Variants in WFS1 observed in about 807,000 individuals in gnomAD.
WFS1 encodes wolframin ER transmembrane glycoprotein, also known as wolframin.
Under a neutral mutation model 68.5 loss-of-function variants are expected in WFS1, and 90 were observed. The ratio of observed to expected loss-of-function variants is 1.31; its 90% CI spans 1.11 to 1.56. The LOEUF (loss-of-function observed/expected upper bound fraction) is 1.56, where lower values mean the gene tolerates loss of function less well. Ranked by LOEUF, WFS1 falls within the 40% of genes most tolerant of loss-of-function variation. The pLI is 0.00. For missense variants in WFS1, 1,767 were observed against 1,232.6 expected (o/e 1.43, Z -6.49); for synonymous variants, 860 against 540.7 (o/e 1.59, Z -8.19).
intron 1 of WFS1, among the ~76,000 whole-genome samples, chr4:6,276,313 T>G (rs1729993466): frequency 6.6e-6 from 1 of 152,178 alleles, no homozygotes; most frequent in Non-Finnish European, 1.5e-5. Context: ...GTGGTTGTCC[T>G]TCATTACAGG....
At chr4:6,284,816 T>C (rs1730265315) in intron 2 of WFS1, among the ~76,000 whole-genome samples, 1 of 150,770 alleles carries the variant, frequency 6.6e-6, no homozygotes. Context: ...AGCACCTTAC[T>C]GTGGAGCATG....
intron 2 of WFS1, among the ~76,000 whole-genome samples, chr4:6,284,947 C>T (rs571262809): frequency 2.4e-4 from 36 of 151,112 alleles, no homozygotes; most frequent in African/African-American, 7.0e-4. Flanking sequence ...CTGCTGAGCC[C>T]GCAGCCAGAA....
At chr4:6,299,751 G>C (rs1730793997) in intron 7 of WFS1, among the ~76,000 whole-genome samples, 1 of 147,690 alleles carries the variant, frequency 6.8e-6, no homozygotes. Context: ...GCGTGTGTGT[G>C]TGTAGGGGTG....
At chr4:6,297,779 T>C (rs1321304386) in intron 7 of WFS1, among the ~76,000 whole-genome samples, 1 of 152,180 alleles carries the variant, frequency 6.6e-6, no homozygotes, top group East Asian at 1.9e-4. Context: ...AGGAGTTGAA[T>C]TTGTTTGGAC....
In WFS1 at chr4:6,302,558, GCC is replaced by G. The variant is rs1560422647; in HGVS notation, c.*91_*92del. ...AGCCCGACAGGCATGCACCAGTGCC[GCC>G]TGTGCCCACGTGTGCAGACTGTGGC... On this transcript the variant is annotated 3_prime_UTR_variant, in exon 8 of 8. Transcript: ENST00000226760. The G allele has an allele frequency of 7.6e-5, 119 of 1,575,986 alleles. No individual in the cohort carries two copies. In the African/African-American group the frequency reaches 1.4e-3, roughly 19 times the overall value.
chr4:6,275,547 G>A (rs570968042), intron 1 of WFS1, among the ~76,000 whole-genome samples: 5 of 118,774 alleles, frequency 4.2e-5, no homozygotes, highest in African/African-American at 1.3e-4. Context: ...GGATGCACCC[G>A]GGGGTGCTTG....
chr4:6,291,398 C>T (rs777221776), intron 5 of WFS1, 31 bp downstream of exon 5: 19 of 1,608,108 alleles, frequency 1.2e-5, no homozygotes, highest in Non-Finnish European at 1.5e-5. Flanking sequence ...CACCAGCCTT[C>T]CCTGGGCGCC....
chr4:6,301,862 C>T lies in WFS1; in HGVS notation c.2067C>T (p.Leu689=). The T allele has an allele frequency of 1.2e-6, 2 of 1,612,960 alleles. No individual in the cohort carries two copies. Among genetic ancestry groups the T allele is most frequent in the Non-Finnish European group, 1.7e-6 (2 of 1,179,838 alleles). ...CCAACATGGCGCGCACCCAGATCCT[C>T]TGCAGCCACCTGGAGGGCCACAGGG... ...KETNMARTQI[L]CSHLEGHRVT... is the part of the protein sequence containing the mutation. The change falls in exon 8 of 8, where the codon CTC becomes CTT. Residue 689 remains leucine (L), a synonymous_variant. Transcript: ENST00000226760.
chr4:6,301,295 C>T lies in WFS1; in HGVS notation c.1500C>T (p.Asn500=), dbSNP rs1801214. ...TVPVGHLVVL[N]VSVPCLLYVY... The stretch of plus-strand genomic sequence containing the variant: ...CTGTCGGCCACCTGGTCGTCCTCAA[C>T]GTCAGCGTCCCGTGCCTGCTCTATG... The change falls in exon 8 of 8, where the codon AAC becomes AAT. Residue 500 remains asparagine (N), a synonymous_variant. Coordinates refer to ENST00000226760, the MANE Select transcript of WFS1 (RefSeq NM_006005.3). The T allele has an allele frequency of 0.63, 1,007,081 of 1,610,910 alleles. 319,197 individuals are homozygous for T. Among genetic ancestry groups the T allele is most frequent in the East Asian group, 0.96 (43,047 of 44,862 alleles).
intron 2 of WFS1, among the ~76,000 whole-genome samples, chr4:6,280,018 G>A (rs753196002): frequency 6.6e-6 from 1 of 152,214 alleles, no homozygotes; most frequent in Non-Finnish European, 1.5e-5. Flanking sequence ...GCCACCTGGG[G>A]AACCACTGCC....
chr4:6,301,713 C>T lies in WFS1; in HGVS notation c.1918C>T (p.Leu640Phe), dbSNP rs777622586. 1.9e-6 allele frequency: 3 copies of T among 1,614,062 alleles called. No individual in the cohort carries two copies. The highest frequency in any genetic ancestry group is 1.1e-5 in the South Asian group (1 of 91,092). ...SSMVKLILVW[L>F]TAIVLFCWFY... The stretch of plus-strand genomic sequence containing the variant: ...CATGGTCAAGCTCATCCTGGTGTGG[C>T]TCACGGCCATCGTGCTGTTCTGCTG... Residue 640 changes from leucine (L) to phenylalanine (F), a missense_variant, in exon 8 of 8, where the codon CTC (leucine) becomes TTC (phenylalanine). Physicochemically the swap from Leu to Phe is conservative, Grantham distance 22 (BLOSUM62 0). Coordinates refer to ENST00000226760, the MANE Select transcript of WFS1 (RefSeq NM_006005.3).
Position 6,290,399 on chromosome 4 carries a change from C to T in WFS1, c.461-798C>T, listed in dbSNP as rs559420420. Among the ~76,000 whole-genome samples the T allele has an allele frequency of 2.6e-4, 40 of 152,346 alleles. No homozygotes were observed. In the South Asian group the frequency reaches 6.8e-3, roughly 26 times the overall value. The stretch of plus-strand genomic sequence containing the variant: ...TGGAATGACCTGGAGGGGGCTCAGG[C>T]GGCCCACACGGCTCATTGTTGGGTG... On this transcript the variant is annotated intron_variant, in intron 4 of 7. Coordinates refer to ENST00000226760, the MANE Select transcript of WFS1 (RefSeq NM_006005.3).
Position 6,277,516 on chromosome 4 carries a change from C to G in WFS1, c.61C>G (p.Pro21Ala), listed in dbSNP as rs757447631. 1.3e-6 allele frequency: 2 copies of G among 1,583,240 alleles called. No individual in the cohort carries two copies. The highest frequency in any genetic ancestry group is 1.7e-6 in the Non-Finnish European group (2 of 1,165,436). ...CCCACAGCCCCCGCCAGCACCGCAG[C>G]CCCAGGCGCGTTCCCGACTCAATGC... ...SCPQPPPAPQPQARSRLNATA... is the reference protein window; with the variant it reads ...SCPQPPPAPQAQARSRLNATA... The change falls in exon 2 of 8, where the codon CCC becomes GCC. Residue 21 changes from proline to alanine, a missense_variant. Physicochemically the swap from Pro to Ala is conservative, Grantham distance 27. Coordinates refer to ENST00000226760, the MANE Select transcript of WFS1 (RefSeq NM_006005.3).
At chr4:6,293,376 G>A (rs563121153) in intron 6 of WFS1, among the ~76,000 whole-genome samples, 13 of 152,250 alleles carry the variant, frequency 8.5e-5, no homozygotes, top group Admixed American at 3.3e-4. Context: ...CTATCAGAAC[G>A]TTCCCATCAG....
chr4:6,298,831 C>G lies in WFS1; in HGVS notation c.862-1826C>G, dbSNP rs1560415583. On this transcript the variant is annotated intron_variant, in intron 7 of 7. Transcript: ENST00000226760. ...CCTAGTTGCCATTCACCTGGGATCCCTCCTTGGCCTTCTGGTGGGCCTGGT... is the reference window on the plus strand; with the variant it reads ...CCTAGTTGCCATTCACCTGGGATCCGTCCTTGGCCTTCTGGTGGGCCTGGT... 2.6e-5 allele frequency among the ~76,000 whole-genome samples: 4 copies of G among 152,354 alleles called. No individual in the cohort carries two copies. The South Asian group carries it at 8.3e-4, about 32-fold the overall frequency.
In WFS1 at chr4:6,301,305, C is replaced by G. The variant is rs1064797305; in HGVS notation, c.1510C>G (p.Pro504Ala). 1 of 1,611,436 alleles carries G rather than the reference C, an allele frequency of 6.2e-7. No individual in the cohort carries two copies. The highest frequency in any genetic ancestry group is 8.5e-7 in the Non-Finnish European group (1 of 1,180,022). ...GHLVVLNVSV[P>A]CLLYVYLLYL... ...CCTGGTCGTCCTCAACGTCAGCGTCCCGTGCCTGCTCTATGTCTACCTGCT... is the reference window on the plus strand; with the variant it reads ...CCTGGTCGTCCTCAACGTCAGCGTCGCGTGCCTGCTCTATGTCTACCTGCT... Residue 504 changes from proline to alanine, a missense_variant, in exon 8 of 8, where the codon CCG becomes GCG. Pro to Ala is a conservative substitution (Grantham distance 27). Coordinates refer to ENST00000226760, the MANE Select transcript of WFS1 (RefSeq NM_006005.3).
intron 7 of WFS1, among the ~76,000 whole-genome samples, chr4:6,300,111 T>G (rs1255188108): frequency 6.6e-6 from 1 of 152,084 alleles, no homozygotes; most frequent in East Asian, 1.9e-4. Context: ...TCTGCCTGTG[T>G]CTGCACTGAA....
At chr4:6,293,699 A>G (rs1323252403) in intron 6 of WFS1, among the ~76,000 whole-genome samples, 1 of 152,146 alleles carries the variant, frequency 6.6e-6, no homozygotes. Flanking sequence ...GTCTCTCAGG[A>G]CAGGACATCC....
chr4:6,287,023 G>A lies in WFS1; in HGVS notation c.233-70G>A. On this transcript the variant is annotated intron_variant, in intron 2 of 7. Coordinates refer to ENST00000226760, the MANE Select transcript of WFS1 (RefSeq NM_006005.3). The surrounding 1 kb of genome is among the most constrained non-coding windows in gnomAD (Gnocchi z 6.4). ...GCAGATCTGAAGACCCTCATGCCTT[G>A]TCCCCTCCATCCTGACAAGTGACAA... The A allele has an allele frequency of 7.2e-7, 1 of 1,392,428 alleles. No individual in the cohort carries two copies. Among genetic ancestry groups the A allele is most frequent in the Non-Finnish European group, 1.0e-6 (1 of 1,002,330 alleles). The allele number at this position is 1,392,428 out of a possible 1,614,324, so 86.3% of individuals were successfully genotyped here.
Sources: gnomAD v4.1 joint callset for allele counts (sites outside exome capture counted in the v4.1 genomes callset) on GRCh38, gnomAD v4.1.1 for gene constraint, Gnocchi (gnomAD v3.1) non-coding constraint, MANE v1.5 for transcripts, NCBI Gene and HGNC (gene_info 2026-07-23, HGNC 2026-07-21) for gene names.